Variants in SLC24A2 observed in about 807,000 individuals in gnomAD.
The protein encoded by SLC24A2 is solute carrier family 24 member 2.
A neutral mutation model predicts 62.0 loss-of-function variants in SLC24A2; 36 were observed. The observed-to-expected ratio is 0.58, with a 90% CI of 0.44 to 0.77. SLC24A2 has a LOEUF of 0.77. Ranked by LOEUF, SLC24A2 falls within the 30% of genes least tolerant of loss-of-function variation. SLC24A2 has a pLI of 0.00. For synonymous variants in SLC24A2, 358 were observed against 294.0 expected (o/e 1.22, Z -2.23); for missense variants, 846 against 817.9 (o/e 1.03, Z -0.42).
At chr9:19,555,036 C>G (rs976601460) in intron 7 of SLC24A2, among the ~76,000 whole-genome samples, 1 of 152,130 alleles carries the variant, frequency 6.6e-6, no homozygotes, top group Non-Finnish European at 1.5e-5. Flanking sequence ...CATGTTAACA[C>G]TAGACTAGGT....
the SLC24A2 span, among the ~76,000 whole-genome samples, chr9:20,103,171 G>T: frequency 2.0e-5 from 3 of 152,218 alleles, no homozygotes; most frequent in Non-Finnish European, 4.4e-5. Context: ...GCCCAGGCTT[G>T]CTTAGGTAAA....
chr9:20,031,417 GCACA>G, the SLC24A2 span, among the ~76,000 whole-genome samples: 1 of 146,278 alleles, frequency 6.8e-6, no homozygotes, highest in Non-Finnish European at 1.5e-5. Flanking sequence ...GCGCATATGT[GCACA>G]CACACACTTT....
At chr9:19,926,330 C>T in the SLC24A2 span, 1 of 152,270 alleles carries the variant, frequency 6.6e-6, no homozygotes, top group Non-Finnish European at 1.5e-5. Flanking sequence ...ACTCACCTTT[C>T]ATTCAGTACC....
At chr9:20,000,484 CT>C in the SLC24A2 span, among the ~76,000 whole-genome samples, 3 of 152,062 alleles carry the variant, frequency 2.0e-5, no homozygotes, top group African/African-American at 7.2e-5. Flanking sequence ...TAAACTCTAT[CT>C]TCAAAAAGTT....
At chr9:19,593,701 C>G (rs1430314692) in intron 5 of SLC24A2, among the ~76,000 whole-genome samples, 1 of 152,108 alleles carries the variant, frequency 6.6e-6, no homozygotes, top group Admixed American at 6.5e-5. Flanking sequence ...ATTCCATCTG[C>G]CCCTGTTCCA....
At chr9:19,836,421 A>G in the SLC24A2 span, among the ~76,000 whole-genome samples, 1 of 152,214 alleles carries the variant, frequency 6.6e-6, no homozygotes. Flanking sequence ...ACAGAAATAC[A>G]AAAGACCATC....
the SLC24A2 span, among the ~76,000 whole-genome samples, chr9:20,258,408 G>A: frequency 6.6e-6 from 1 of 152,224 alleles, no homozygotes; most frequent in Admixed American, 6.5e-5. Flanking sequence ...AGACTGGCAT[G>A]TGGGTCAGTG....
At chr9:20,238,250 C>G in the SLC24A2 span, among the ~76,000 whole-genome samples, 1 of 152,152 alleles carries the variant, frequency 6.6e-6, no homozygotes. Context: ...GTATTTTTCA[C>G]ATGTTATGAA....
At chr9:20,158,280 G>A in the SLC24A2 span, among the ~76,000 whole-genome samples, 4 of 151,700 alleles carry the variant, frequency 2.6e-5, no homozygotes, top group Non-Finnish European at 5.9e-5. Context: ...AGGTTACACA[G>A]GTCTGAATGT....
the SLC24A2 span, among the ~76,000 whole-genome samples, chr9:19,911,576 G>A: frequency 6.6e-6 from 1 of 152,130 alleles, no homozygotes; most frequent in Non-Finnish European, 1.5e-5. Context: ...CATCAGATAA[G>A]CCTTGATCTG....
At chr9:19,931,998 A>C in the SLC24A2 span, among the ~76,000 whole-genome samples, 6 of 152,108 alleles carry the variant, frequency 3.9e-5, no homozygotes, top group South Asian at 1.2e-3. Context: ...TGTTAATTTA[A>C]AAAATCATCC....
intron 7 of SLC24A2, among the ~76,000 whole-genome samples, chr9:19,559,091 T>G (rs1835264613): frequency 6.6e-6 from 1 of 152,230 alleles, no homozygotes; most frequent in Non-Finnish European, 1.5e-5. Flanking sequence ...GGAAGGCACT[T>G]ACAAGAGTAT....
the SLC24A2 span, among the ~76,000 whole-genome samples, chr9:20,109,876 G>A: frequency 3.9e-5 from 6 of 152,092 alleles, no homozygotes. Flanking sequence ...AGTCATATGG[G>A]ATGCCACTTT....
chr9:19,980,124 T>C, the SLC24A2 span, among the ~76,000 whole-genome samples: 4 of 152,202 alleles, frequency 2.6e-5, no homozygotes, highest in Non-Finnish European at 5.9e-5. Context: ...GAGAGCTAAG[T>C]TGGGCTTTGA....
At chr9:20,187,041 T>C in the SLC24A2 span, among the ~76,000 whole-genome samples, 1 of 152,128 alleles carries the variant, frequency 6.6e-6, no homozygotes, top group East Asian at 1.9e-4. Flanking sequence ...AAAGGCATTT[T>C]GAGGGAAAGC....
At chr9:20,275,207 C>T in the SLC24A2 span, among the ~76,000 whole-genome samples, 8 of 152,070 alleles carry the variant, frequency 5.3e-5, no homozygotes, top group South Asian at 2.1e-4. Flanking sequence ...TTAGGGGTTA[C>T]GGCAAACAAG....
chr9:20,101,896 G>A, the SLC24A2 span, among the ~76,000 whole-genome samples: 27 of 152,140 alleles, frequency 1.8e-4, no homozygotes, highest in African/African-American at 6.5e-4. Context: ...CACAAACACT[G>A]GAGCCTAGGC....
chr9:19,708,378 C>T (rs988602518), intron 2 of SLC24A2, among the ~76,000 whole-genome samples: 1 of 152,122 alleles, frequency 6.6e-6, no homozygotes, highest in African/African-American at 2.4e-5. Context: ...CTACCAATGA[C>T]TTTCTTCACA....
Position 19,510,034 on chromosome 9 carries a change from G to A in SLC24A2, c.*6119C>T, listed in dbSNP as rs1832657895. 6.6e-6 allele frequency: 1 copy of A among 152,108 alleles called. No individual in the cohort carries two copies. Among genetic ancestry groups the A allele is most frequent in the Non-Finnish European group, 1.5e-5 (1 of 68,028 alleles). The allele number at this position is 152,108 out of a possible 1,614,324, so 9.4% of individuals were successfully genotyped here. A position where few individuals can be genotyped will look rare whatever the true frequency, so the allele number is the denominator to read the frequency against. On this transcript the variant is annotated 3_prime_UTR_variant, in exon 11 of 11. Transcript: ENST00000341998. ...TAAAATAAAAATATTGATTCCTCTT[G>A]ATAAATTAGTGGGTAAGTACAGGCC...
Sources: allele counts gnomAD v4.1 joint callset (sites outside exome capture counted in the v4.1 genomes callset), GRCh38; gene constraint gnomAD v4.1.1; transcripts MANE v1.5; gene names NCBI Gene and HGNC (gene_info 2026-07-23, HGNC 2026-07-21).